The following NFIC variants were observed in gnomAD, a reference collection of about 807,000 sequenced individuals.
NFIC encodes nuclear factor 1 C-type.
NFIC carries 12 observed loss-of-function variants against 54.4 expected under a neutral mutation model. The observed-to-expected ratio is 0.22, with a 90% CI of 0.14 to 0.36. The LOEUF is 0.36. NFIC is among the 10% of genes least tolerant of loss of function. NFIC has a pLI of 1.00. For missense variants in NFIC, 575 were observed against 718.2 expected (o/e 0.80, Z 2.28); for synonymous variants, 322 against 319.2 (o/e 1.01, Z -0.09).
At chr19:3,407,285 T>C (rs2081667760) in intron 2 of NFIC, among the ~76,000 whole-genome samples, 2 of 151,562 alleles carry the variant, frequency 1.3e-5, no homozygotes, top group South Asian at 4.2e-4. Flanking sequence ...GGCTATAGTT[T>C]TGTATTTTTA....
chr19:3,449,732 C>T (rs1429007160), intron 7 of NFIC, among the ~76,000 whole-genome samples: 2 of 148,322 alleles, frequency 1.3e-5, no homozygotes, highest in Non-Finnish European at 3.0e-5. Context: ...TGCACTCCAG[C>T]CTGGGCAACA....
intron 2 of NFIC, among the ~76,000 whole-genome samples, chr19:3,423,426 G>A (rs777762142): frequency 1.3e-5 from 2 of 152,108 alleles, no homozygotes; most frequent in African/African-American, 2.4e-5. Context: ...CTGGCCTTGG[G>A]GTCTGGCGGG....
At chr19:3,381,604 C>T in intron 1 of NFIC, 108 bp from the exon 2 acceptor site, 1 of 1,443,368 alleles carries the variant, frequency 6.9e-7, no homozygotes, top group African/African-American at 1.4e-5. Context: ...GCCCCTCCCA[C>T]TCTGCGGGTC....
chr19:3,439,356 A>G (rs2082256437), intron 6 of NFIC, among the ~76,000 whole-genome samples: 1 of 135,348 alleles, frequency 7.4e-6, no homozygotes, highest in African/African-American at 2.7e-5. Context: ...AAAAAAAAAA[A>G]AAAAAAAAAA....
chr19:3,393,315 G>A (rs954119361), intron 2 of NFIC, among the ~76,000 whole-genome samples: 1 of 152,190 alleles, frequency 6.6e-6, no homozygotes, highest in Admixed American at 6.5e-5. Context: ...TCTCAGGGCA[G>A]AAGATCTGCC....
chr19:3,372,713 G>A (rs1258269830), intron 1 of NFIC, among the ~76,000 whole-genome samples: 1 of 130,180 alleles, frequency 7.7e-6, no homozygotes, highest in Non-Finnish European at 1.7e-5. Context: ...GGAGTGGGGT[G>A]GGGGGGTGCC....
At chr19:3,426,048 C>G (rs2082023466) in intron 3 of NFIC, among the ~76,000 whole-genome samples, 1 of 150,300 alleles carries the variant, frequency 6.7e-6, no homozygotes, top group African/African-American at 2.5e-5. Context: ...AACTCTCCTG[C>G]CTCAGCCTCC....
chr19:3,386,393 G>A (rs2081297267), intron 2 of NFIC, among the ~76,000 whole-genome samples: 1 of 142,742 alleles, frequency 7.0e-6, no homozygotes, highest in Non-Finnish European at 1.5e-5. Flanking sequence ...CGCGATCTTG[G>A]CTTACTGCAA....
At chr19:3,429,257 C>A (rs58950264) in intron 3 of NFIC, among the ~76,000 whole-genome samples, 1,354 of 68,308 alleles carry the variant, frequency 0.02, 164 homozygotes, top group East Asian at 0.12. Flanking sequence ...AATATATACA[C>A]ACACACACAC....
upstream of NFIC, among the ~76,000 whole-genome samples, chr19:3,363,241 GTATATA>G (rs1555736643): frequency 1.4e-3 from 107 of 77,026 alleles, 4 homozygotes; most frequent in South Asian, 4.5e-3. Context: ...GTATGTGTGT[GTATATA>G]TATATATATA....
chr19:3,362,350 G>T (rs118013753), upstream of NFIC, among the ~76,000 whole-genome samples: 1,028 of 152,144 alleles, frequency 6.8e-3, 10 homozygotes, highest in South Asian at 0.046. Context: ...TGCTTGTCAA[G>T]AAGCGTCCTG....
At chr19:3,373,430 T>C (rs2081055010) in intron 1 of NFIC, among the ~76,000 whole-genome samples, 1 of 149,538 alleles carries the variant, frequency 6.7e-6, no homozygotes, top group African/African-American at 2.5e-5. Flanking sequence ...CCTCCCCTCC[T>C]CTCTCTTTCC....
Position 3,463,675 on chromosome 19 carries a change from A to AC in NFIC, c.*911dup, listed in dbSNP as rs1166883491. The AC allele has an allele frequency of 5.7e-6, 5 of 883,344 alleles. No homozygotes were observed. The highest frequency in any genetic ancestry group is 6.3e-6 in the Non-Finnish European group (5 of 787,678). 54.7% of individuals were successfully genotyped at this position (883,344 alleles called of 1,614,324 possible). A position where few individuals can be genotyped will look rare whatever the true frequency, so the allele number is the denominator to read the frequency against. On this transcript the variant is annotated 3_prime_UTR_variant, in exon 11 of 11. Transcript: ENST00000443272. ...GGCCCCCCCACCTCGCCCGGCTCAC[A>AC]CCCCCAAAGGGAGGGACCCACATTG...
At chr19:3,418,180 C>T (rs1166538321) in intron 2 of NFIC, among the ~76,000 whole-genome samples, 1 of 150,654 alleles carries the variant, frequency 6.6e-6, no homozygotes, top group Admixed American at 6.7e-5. Flanking sequence ...CTCACTGCAA[C>T]CTCCACCTCC....
In NFIC at chr19:3,463,913, C is replaced by T; in HGVS notation, c.*1144C>T. On this transcript the variant is annotated 3_prime_UTR_variant, in exon 11 of 11. Transcript: ENST00000443272. ...TGGCCGCGGGCCTCCTCCCCCTCCCCTCCAGCCTCTCCACCAGCCCCTCCA... is the reference window on the plus strand; with the variant it reads ...TGGCCGCGGGCCTCCTCCCCCTCCCTTCCAGCCTCTCCACCAGCCCCTCCA... 1 of 977,344 alleles carries T rather than the reference C, an allele frequency of 1.0e-6. No individual in the cohort carries two copies. Among genetic ancestry groups the T allele is most frequent in the Non-Finnish European group, 1.2e-6 (1 of 822,770 alleles). 60.5% of individuals were successfully genotyped at this position (977,344 alleles called of 1,614,324 possible).
chr19:3,376,500 A>C (rs1277950012), intron 1 of NFIC, among the ~76,000 whole-genome samples: 2 of 144,838 alleles, frequency 1.4e-5, no homozygotes, highest in Non-Finnish European at 1.5e-5. Flanking sequence ...TAGGAGGCCG[A>C]GGTGGGAGGA....
Position 3,464,718 on chromosome 19 carries a change from C to CTT in NFIC, c.*1949_*1950insTT. ...CAGGAGCTTGGCGAACCCGCTCGCTCCTAAAGAGAAAGACCCAGGACCCTC... is the reference window on the plus strand; with the variant it reads ...CAGGAGCTTGGCGAACCCGCTCGCTCTTCTAAAGAGAAAGACCCAGGACCCTC... On this transcript the variant is annotated 3_prime_UTR_variant, in exon 11 of 11. Transcript: ENST00000443272. 1 of 985,258 alleles carries CTT rather than the reference C, an allele frequency of 1.0e-6. No homozygotes were observed. The highest frequency in any genetic ancestry group is 1.7e-5 in the African/African-American group (1 of 57,194). 61.0% of individuals were successfully genotyped at this position (985,258 alleles called of 1,614,324 possible).
chr19:3,439,608 C>T (rs1333118774), intron 6 of NFIC, among the ~76,000 whole-genome samples: 1 of 151,230 alleles, frequency 6.6e-6, no homozygotes, highest in African/African-American at 2.4e-5. Flanking sequence ...TGCCATTACA[C>T]TCCAGCCTGG....
intron 6 of NFIC, among the ~76,000 whole-genome samples, chr19:3,436,859 C>T (rs2082211213): frequency 6.6e-6 from 1 of 152,138 alleles, no homozygotes; most frequent in Non-Finnish European, 1.5e-5. Context: ...CAGATCCCAG[C>T]CCTGCCCGTG....
Sources: allele counts gnomAD v4.1 joint callset (sites outside exome capture counted in the v4.1 genomes callset), GRCh38; gene constraint gnomAD v4.1.1; transcripts MANE v1.5; gene names NCBI Gene and HGNC (gene_info 2026-07-23, HGNC 2026-07-21).